The following CPNE3 variants were observed in gnomAD, a reference collection of about 807,000 sequenced individuals.
The protein encoded by CPNE3 is copine-3.
CPNE3 carries 68 observed loss-of-function variants against 63.9 expected under a neutral mutation model. That is an observed-to-expected ratio of 1.06 (90% CI 0.87 to 1.30). The LOEUF is 1.30. CPNE3 is among the 50% of genes most tolerant of loss of function. The pLI, the probability that CPNE3 is intolerant of heterozygous loss-of-function variation, is 0.00. For missense variants in CPNE3, 665 were observed against 578.1 expected, an observed-to-expected ratio of 1.15 and a Z score of -1.54; for synonymous variants, 219 against 197.5, an observed-to-expected ratio of 1.11 and a Z score of -0.91.
intron 4 of CPNE3, 66 bp from the exon 5 acceptor site, chr8:86,531,089 A>T: frequency 1.2e-6 from 1 of 801,314 alleles, no homozygotes; most frequent in South Asian, 1.4e-5. Context: ...TTTTGCTGAA[A>T]CTATTTCATT....
intron 10 of CPNE3, 79 bp from the exon 11 acceptor site, chr8:86,547,632 T>A: frequency 1.4e-6 from 1 of 729,578 alleles, no homozygotes; most frequent in Non-Finnish European, 2.4e-6. Context: ...TACAGACTTT[T>A]AAAAATATAT....
intron 12 of CPNE3, among the ~76,000 whole-genome samples, chr8:86,550,829 A>G (rs1187375537): frequency 6.6e-6 from 1 of 152,230 alleles, no homozygotes; most frequent in African/African-American, 2.4e-5. Flanking sequence ...TACAAAATCT[A>G]TAGAAAGAAA....
At chr8:86,551,386 T>C (rs112827257) in intron 14 of CPNE3, 152 bp downstream of exon 14, 8 of 636,968 alleles carry the variant, frequency 1.3e-5, no homozygotes, top group African/African-American at 3.7e-5. Context: ...CTTTCTGTTG[T>C]ATAAGGTAGA....
intron 6 of CPNE3, among the ~76,000 whole-genome samples, chr8:86,536,840 C>T (rs372945609): frequency 5.3e-5 from 8 of 152,160 alleles, no homozygotes; most frequent in African/African-American, 1.4e-4. Context: ...AATTTTATCT[C>T]TCTGTATGTG....
chr8:86,553,553 G>GTAA (rs1354867337), intron 14 of CPNE3, among the ~76,000 whole-genome samples: 3 of 152,114 alleles, frequency 2.0e-5, no homozygotes, highest in Admixed American at 6.5e-5. Context: ...TAACCTAGGA[G>GTAA]TAATAGGCTA....
At chr8:86,538,650 T>C (rs1349336937) in intron 7 of CPNE3, among the ~76,000 whole-genome samples, 2 of 152,162 alleles carry the variant, frequency 1.3e-5, no homozygotes, top group African/African-American at 2.4e-5. Context: ...CTTGATGCCA[T>C]TGAATCTCTT....
Position 86,558,984 on chromosome 8 carries a change from T to A in CPNE3, c.*574T>A, listed in dbSNP as rs1821380787. On this transcript the variant is annotated 3_prime_UTR_variant, in exon 17 of 17. Coordinates refer to ENST00000517490, the MANE Select transcript of CPNE3 (RefSeq NM_003909.5). ...GTTTACAAAACAGCATGCACTCAAC[T>A]TGGGACTTTATGAAAAGTACTGAAT... is the stretch of plus-strand genomic sequence containing the variant. 6.6e-6 allele frequency: 1 copy of A among 152,310 alleles called. No homozygotes were observed. Among genetic ancestry groups the A allele is most frequent in the Non-Finnish European group, 1.5e-5 (1 of 68,094 alleles). 9.4% of individuals were successfully genotyped at this position (152,310 alleles called of 1,614,324 possible). A position where few individuals can be genotyped will look rare whatever the true frequency, so the allele number is the denominator to read the frequency against.
chr8:86,530,758 C>G (rs1388297411), intron 4 of CPNE3, among the ~76,000 whole-genome samples: 1 of 147,890 alleles, frequency 6.8e-6, no homozygotes, highest in Non-Finnish European at 1.5e-5. Flanking sequence ...ACAGTGCGAT[C>G]TTGGCTCACT....
rs768964097 is a variant in CPNE3, at chr8:86,551,088, T to A, written c.1056T>A (p.Pro352=). ...FPAFGFGAQI[P]PQWQVSHEFP... is the part of the protein sequence containing the mutation. ...CTTTTGGTTTTGGCGCTCAGATACCTCCTCAGTGGCAGGTAAGAGGAAATC... is the reference window on the plus strand; with the variant it reads ...CTTTTGGTTTTGGCGCTCAGATACCACCTCAGTGGCAGGTAAGAGGAAATC... The change falls in exon 13 of 17, where the codon CCT becomes CCA. Residue 352 remains proline, a synonymous_variant. Coordinates refer to ENST00000517490, the MANE Select transcript of CPNE3 (RefSeq NM_003909.5). 20 of 1,609,802 alleles carry A rather than the reference T, an allele frequency of 1.2e-5. No individual in the cohort carries two copies. The South Asian group carries it at 2.3e-4, about 18-fold the overall frequency.
chr8:86,524,118 ACT>A (rs1820490594), intron 2 of CPNE3, among the ~76,000 whole-genome samples: 1 of 152,116 alleles, frequency 6.6e-6, no homozygotes, highest in Non-Finnish European at 1.5e-5. Flanking sequence ...TAGGGTTGTG[ACT>A]CTGGGTATGG....
At chr8:86,515,123 G>C (rs939480858) in intron 1 of CPNE3, 4 of 152,190 alleles carry the variant, frequency 2.6e-5, no homozygotes, top group African/African-American at 9.7e-5. Context: ...TAGTCTAGCA[G>C]CTCCCGTTTC....
chr8:86,558,537 A>G lies in CPNE3; in HGVS notation c.*127A>G. The G allele has an allele frequency of 2.7e-6, 2 of 748,328 alleles. No individual in the cohort carries two copies. Among genetic ancestry groups the G allele is most frequent in the Non-Finnish European group, 4.7e-6 (2 of 422,888 alleles). 46.4% of individuals were successfully genotyped at this position (748,328 alleles called of 1,614,324 possible). ...ATGTAAATCTCTTTCTCTATGGATT[A>G]TATCTGTTTAAAGCATTCTTTCTAG... is the stretch of plus-strand genomic sequence containing the variant. On this transcript the variant is annotated 3_prime_UTR_variant, in exon 17 of 17. Transcript: ENST00000517490.
At chr8:86,529,999 G>GA (rs890766414) in intron 4 of CPNE3, among the ~76,000 whole-genome samples, 13 of 151,520 alleles carry the variant, frequency 8.6e-5, no homozygotes, top group East Asian at 1.9e-4. Context: ...TTTTTTTGGG[G>GA]AAAAAAATCC....
intron 4 of CPNE3, among the ~76,000 whole-genome samples, chr8:86,530,458 C>T (rs1436902231): frequency 6.6e-6 from 1 of 152,200 alleles, no homozygotes; most frequent in Non-Finnish European, 1.5e-5. Context: ...GTGTGAGCCA[C>T]TGCACCTGGC....
intron 2 of CPNE3, among the ~76,000 whole-genome samples, chr8:86,517,652 A>G (rs1820344025): frequency 6.6e-6 from 1 of 152,344 alleles, no homozygotes; most frequent in South Asian, 2.1e-4. Context: ...CCCCACCTTC[A>G]GTACTTCTTG....
chr8:86,518,396 C>A (rs927512334), intron 2 of CPNE3, among the ~76,000 whole-genome samples: 3 of 152,182 alleles, frequency 2.0e-5, no homozygotes, highest in African/African-American at 7.2e-5. Flanking sequence ...ATATCAGATC[C>A]AGCCTGCCTG....
At chr8:86,529,418 T>G (rs1174752809) in intron 4 of CPNE3, among the ~76,000 whole-genome samples, 1 of 152,146 alleles carries the variant, frequency 6.6e-6, no homozygotes, top group Non-Finnish European at 1.5e-5. Context: ...TTCTCTACGG[T>G]TTTGTTATGT....
chr8:86,529,225 CAT>C (rs1820615456), intron 4 of CPNE3, 101 bp downstream of exon 4: 21 of 949,548 alleles, frequency 2.2e-5, no homozygotes, highest in Non-Finnish European at 3.0e-5. Flanking sequence ...AGTTGAAAAA[CAT>C]GTAATCACTT....
At chr8:86,519,712 G>C (rs1409645082) in intron 2 of CPNE3, among the ~76,000 whole-genome samples, 4 of 152,036 alleles carry the variant, frequency 2.6e-5, no homozygotes, top group Non-Finnish European at 5.9e-5. Flanking sequence ...TTCAGATATA[G>C]CTTTTTTTGT....
Sources: gnomAD v4.1 joint callset for allele counts (sites outside exome capture counted in the v4.1 genomes callset) on GRCh38, gnomAD v4.1.1 for gene constraint, MANE v1.5 for transcripts, NCBI Gene and HGNC (gene_info 2026-07-23, HGNC 2026-07-21) for gene names.